NCS1: variants seen among roughly 807,000 people sequenced by gnomAD.
NCS1 encodes neuronal calcium sensor 1.
NCS1 carries 6 observed loss-of-function variants against 28.4 expected under a neutral mutation model. That is an observed-to-expected ratio of 0.21 (90% confidence interval 0.12 to 0.42). The LOEUF (loss-of-function observed/expected upper bound fraction) is 0.42. Ranked by LOEUF, NCS1 falls within the 10% of genes least tolerant of loss-of-function variation. The pLI, the probability that NCS1 is intolerant of heterozygous loss-of-function variation, is 1.00. For missense variants in NCS1, 131 were observed against 241.4 expected, an observed-to-expected ratio of 0.54 and a Z score of 3.03; for synonymous variants, 86 against 99.3, an observed-to-expected ratio of 0.87 and a Z score of 0.79.
chr9:130,228,774 C>T (rs1422523120), intron 7 of NCS1, among the ~76,000 whole-genome samples: 2 of 151,528 alleles, frequency 1.3e-5, no homozygotes, highest in Non-Finnish European at 2.9e-5. Context: ...TCAAACAATT[C>T]TCCTGCCTCA....
At position 130,218,002 on chromosome 9, in the gene NCS1, C is replaced by G. The variant is rs1408602588; in HGVS notation, c.228+32C>G. On this transcript the variant is annotated intron_variant, in intron 3 of 7. Coordinates refer to ENST00000372398, the MANE Select transcript of NCS1 (RefSeq NM_014286.4). ...TGGGGATTGATGGGGCCTGCGGCAG[C>G]TGGCTCAGCTCCTGTGGGTACCCGC... is the stretch of plus-strand genomic sequence containing the variant. 4 of 1,613,546 alleles carry G rather than the reference C, an allele frequency of 2.5e-6. No homozygotes were observed. The African/African-American group carries it at 5.3e-5, about 22-fold the overall frequency.
At chr9:130,201,641 G>T (rs903411534) in intron 2 of NCS1, among the ~76,000 whole-genome samples, 10 of 152,122 alleles carry the variant, frequency 6.6e-5, no homozygotes, top group African/African-American at 2.4e-4. Flanking sequence ...GGGGTGGCAC[G>T]TAGGGACATG....
At chr9:130,194,877 G>A (rs782703470) in intron 1 of NCS1, among the ~76,000 whole-genome samples, 7 of 152,344 alleles carry the variant, frequency 4.6e-5, no homozygotes, top group East Asian at 1.9e-4. Context: ...TGAGAAACAC[G>A]TTTGAGGATG....
intron 1 of NCS1, among the ~76,000 whole-genome samples, chr9:130,179,826 T>C (rs1832628539): frequency 6.6e-6 from 1 of 152,214 alleles, no homozygotes; most frequent in Non-Finnish European, 1.5e-5. Flanking sequence ...AGTAGTTCAA[T>C]GCCCTCATTT....
rs1554910836 is a variant in NCS1 at position 130,223,089 on chromosome 9, C to T, written c.404C>T (p.Thr135Ile). Residue 135 changes from threonine (T) to isoleucine (I), a missense_variant, in exon 6 of 8, where the codon ACC (threonine) becomes ATC (isoleucine). This residue lies in a region of NCS1 where 100 missense variants were observed against 210.3 expected (regional missense o/e 0.48). Transcript: ENST00000372398. ...CCTTGTCCGTCCCTGCAGGGGAATA[C>T]CGTGGAGCTCCCAGAGGAGGAGAAC... ...VDAIYQMVGN[T>I]VELPEEENTP... The T allele has an allele frequency of 6.2e-7, 1 of 1,613,878 alleles. No homozygotes were observed. Among genetic ancestry groups the T allele is most frequent in the Non-Finnish European group, 8.5e-7 (1 of 1,179,900 alleles).
intron 1 of NCS1, among the ~76,000 whole-genome samples, chr9:130,173,208 G>GGGGGA (rs1554904301): frequency 1.3e-5 from 2 of 151,854 alleles, no homozygotes; most frequent in African/African-American, 4.8e-5. Flanking sequence ...GTGGGGGGGG[G>GGGGGA]GGTGGCGAGA....
chr9:130,222,826 T>C, intron 5 of NCS1, 88 bp downstream of exon 5: 2 of 1,401,158 alleles, frequency 1.4e-6, no homozygotes, highest in African/African-American at 1.4e-5. Context: ...TGTGCAGCCA[T>C]GCTCCTGCCC....
rs558624732 is a variant in NCS1 at position 130,225,882 on chromosome 9, A to G, written c.475-507A>G. Among the ~76,000 whole-genome samples, 39 of 152,024 alleles carry G rather than the reference A, an allele frequency of 2.6e-4. No individual in the cohort carries two copies. The East Asian group carries it at 6.8e-3, about 26-fold the overall frequency. ...CCGGGGAAGGGATTCTGGCCCAAAC[A>G]TCCCCTCCCCGAGAGACCCACTAAA... On this transcript the variant is annotated intron_variant, in intron 6 of 7. Transcript: ENST00000372398.
At chr9:130,208,429 C>T (rs189790846) in intron 2 of NCS1, among the ~76,000 whole-genome samples, 224 of 152,166 alleles carry the variant, frequency 1.5e-3, no homozygotes, top group Non-Finnish European at 2.4e-3. Flanking sequence ...CAGGCACCCA[C>T]CACCACGCCT....
intron 1 of NCS1, among the ~76,000 whole-genome samples, chr9:130,199,449 T>C (rs1564707182): frequency 1.3e-5 from 2 of 152,330 alleles, no homozygotes; most frequent in East Asian, 3.9e-4. Context: ...CCTCCATCTC[T>C]GATTTGGGCT....
intron 2 of NCS1, among the ~76,000 whole-genome samples, chr9:130,203,775 C>T (rs552037794): frequency 1.3e-5 from 2 of 152,238 alleles, no homozygotes; most frequent in East Asian, 1.9e-4. Context: ...GACACAGCCT[C>T]GTTCATTTCA....
At chr9:130,207,152 G>A (rs1833034796) in intron 2 of NCS1, among the ~76,000 whole-genome samples, 1 of 152,230 alleles carries the variant, frequency 6.6e-6, no homozygotes, top group South Asian at 2.1e-4. Context: ...CTGGTCTGCA[G>A]TGGTGCCACA....
intron 1 of NCS1, among the ~76,000 whole-genome samples, chr9:130,199,963 C>A (rs190564680): frequency 6.6e-6 from 1 of 151,990 alleles, no homozygotes; most frequent in African/African-American, 2.4e-5. Flanking sequence ...GAGGGCCCTA[C>A]GCCGTACCCT....
intron 2 of NCS1, among the ~76,000 whole-genome samples, chr9:130,205,006 C>A (rs1177876129): frequency 1.3e-5 from 2 of 151,910 alleles, no homozygotes; most frequent in Non-Finnish European, 2.9e-5. Context: ...AACCCCAGGC[C>A]CCGACATACA....
At chr9:130,188,327 C>T (rs931504165) in intron 1 of NCS1, among the ~76,000 whole-genome samples, 70 of 152,278 alleles carry the variant, frequency 4.6e-4, no homozygotes, top group African/African-American at 1.7e-3. Flanking sequence ...CTTTGCCTGG[C>T]TGAGGCCTGC....
chr9:130,216,234 A>C (rs1833185096), intron 2 of NCS1, among the ~76,000 whole-genome samples: 1 of 151,944 alleles, frequency 6.6e-6, no homozygotes, highest in African/African-American at 2.4e-5. Flanking sequence ...GTTCGAGGGG[A>C]GGGTGGAGGC....
rs1299517364 is a variant in NCS1 at position 130,186,299 on chromosome 9, A to G, written c.64+13572A>G. Among the ~76,000 whole-genome samples the G allele has an allele frequency of 6.6e-6, 1 of 152,176 alleles. No individual in the cohort carries two copies. The highest frequency in any genetic ancestry group is 1.5e-5 in the Non-Finnish European group (1 of 68,034). ...GATAAGCGTCAAGACAGGGCTTTGC[A>G]CAATGGACTGGGAATCTCCCTGGTC... On this transcript the variant is annotated intron_variant, in intron 1 of 7. Coordinates refer to ENST00000372398, the MANE Select transcript of NCS1 (RefSeq NM_014286.4). The surrounding 1 kb of genome is among the most constrained non-coding windows in gnomAD (Gnocchi z 4.1).
At position 130,232,104 on chromosome 9, in the gene NCS1, G is replaced by A. The variant is rs1833508207; in HGVS notation, c.*18-886G>A. On this transcript the variant is annotated intron_variant, in intron 7 of 7. Transcript: ENST00000372398. The surrounding 1 kb of genome is among the most constrained non-coding windows in gnomAD (Gnocchi z 4.4). ...TGGAATTATAGGTGTGCGCAGCCACGTCCGGCTAATTTTTGTATTTTTGGT... is the reference window on the plus strand; with the variant it reads ...TGGAATTATAGGTGTGCGCAGCCACATCCGGCTAATTTTTGTATTTTTGGT... 6.6e-6 allele frequency among the ~76,000 whole-genome samples: 1 copy of A among 152,034 alleles called. No individual in the cohort carries two copies. Among genetic ancestry groups the A allele is most frequent in the Non-Finnish European group, 1.5e-5 (1 of 68,012 alleles).
intron 1 of NCS1, among the ~76,000 whole-genome samples, chr9:130,176,525 C>T (rs1363240269): frequency 6.6e-6 from 1 of 152,194 alleles, no homozygotes; most frequent in Non-Finnish European, 1.5e-5. Flanking sequence ...CCATACAATA[C>T]AGCTTCATCT....
Sources: gnomAD v4.1 joint callset for allele counts (sites outside exome capture counted in the v4.1 genomes callset) on GRCh38, gnomAD v4.1.1 for gene constraint, gnomAD v4.1.1 regional missense constraint, Gnocchi (gnomAD v3.1) non-coding constraint, MANE v1.5 for transcripts, NCBI Gene and HGNC (gene_info 2026-07-23, HGNC 2026-07-21) for gene names.